The following EPM2A variants were observed in gnomAD, a reference collection of about 807,000 sequenced individuals.
The protein encoded by EPM2A is laforin.
In EPM2A, 21 loss-of-function variants were observed where a neutral mutation model predicts 26.5. That is an observed-to-expected ratio of 0.79 (90% CI 0.56 to 1.14). The LOEUF (loss-of-function observed/expected upper bound fraction) is 1.14. Among genes scored for constraint, EPM2A ranks in the 50% most tolerant of loss-of-function variants. EPM2A has a pLI of 0.00. For missense variants in EPM2A, 458 were observed against 440.8 expected, an observed-to-expected ratio of 1.04 and a Z score of -0.35; for synonymous variants, 217 against 177.6, an observed-to-expected ratio of 1.22 and a Z score of -1.76.
chr6:145,612,226 T>C (rs1449733950), intron 2 of EPM2A, among the ~76,000 whole-genome samples: 1 of 152,228 alleles, frequency 6.6e-6, no homozygotes, highest in Non-Finnish European at 1.5e-5. Flanking sequence ...TATTTATTTA[T>C]ATCTCTGTTT....
chr6:145,616,407 G>A (rs556593893), intron 2 of EPM2A, among the ~76,000 whole-genome samples: 65 of 152,372 alleles, frequency 4.3e-4, no homozygotes, highest in Admixed American at 1.7e-3. Flanking sequence ...AGGTAGAGGT[G>A]TGCTGCAGGG....
intron 4 of EPM2A, among the ~76,000 whole-genome samples, chr6:145,424,182 C>G (rs1457312547): frequency 2.0e-5 from 3 of 152,196 alleles, no homozygotes; most frequent in Admixed American, 6.5e-5. Context: ...TACAAAAATC[C>G]TGGCACCCTT....
At chr6:145,466,124 C>CA (rs1302159761) in intron 4 of EPM2A, among the ~76,000 whole-genome samples, 2 of 150,590 alleles carry the variant, frequency 1.3e-5, no homozygotes, top group South Asian at 2.1e-4. Context: ...CAACAAAAGC[C>CA]AAAATTGACA....
intron 1 of EPM2A, among the ~76,000 whole-genome samples, chr6:145,715,481 C>T (rs1775565670): frequency 6.6e-6 from 1 of 152,164 alleles, no homozygotes; most frequent in Admixed American, 6.5e-5. Context: ...AATGAAACAA[C>T]ATCGAATGAA....
At chr6:145,579,640 T>C (rs1717383834) in intron 2 of EPM2A, among the ~76,000 whole-genome samples, 1 of 152,226 alleles carries the variant, frequency 6.6e-6, no homozygotes, top group Non-Finnish European at 1.5e-5. Flanking sequence ...GGTTTGACAA[T>C]ATATGCCTTT....
At chr6:145,568,068 TA>T (rs1780907002) in intron 2 of EPM2A, among the ~76,000 whole-genome samples, 1 of 152,176 alleles carries the variant, frequency 6.6e-6, no homozygotes, top group African/African-American at 2.4e-5. Flanking sequence ...GCCACATAAT[TA>T]ATGTCATTTA....
intron 2 of EPM2A, among the ~76,000 whole-genome samples, chr6:145,569,567 C>T (rs1007302823): frequency 3.3e-5 from 5 of 152,208 alleles, no homozygotes; most frequent in African/African-American, 1.2e-4. Context: ...AAAGCGATCT[C>T]ATTTGTCCCC....
chr6:145,646,826 TCCTCTTTGCTCC>T (rs1777508481), intron 2 of EPM2A, among the ~76,000 whole-genome samples: 2 of 151,998 alleles, frequency 1.3e-5, no homozygotes, highest in African/African-American at 4.8e-5. Context: ...CATTCTCTCC[TCCTCTTTGCTCC>T]CCACCTACAA....
intron 4 of EPM2A, among the ~76,000 whole-genome samples, chr6:145,434,904 C>T (rs1445865482): frequency 5.9e-5 from 9 of 151,918 alleles, no homozygotes; most frequent in African/African-American, 1.9e-4. Flanking sequence ...GGGGCAGATC[C>T]CTCATGGCTT....
intron 4 of EPM2A, among the ~76,000 whole-genome samples, chr6:145,474,102 TACA>T (rs556923235): frequency 1.6e-4 from 24 of 152,198 alleles, no homozygotes; most frequent in Non-Finnish European, 2.2e-4. Context: ...AAATCATAAG[TACA>T]ACAATTTTTC....
chr6:145,572,631 C>T (rs527696840), intron 2 of EPM2A, among the ~76,000 whole-genome samples: 85 of 152,266 alleles, frequency 5.6e-4, no homozygotes, highest in Middle Eastern at 3.4e-3. Flanking sequence ...CTGCAGAAAA[C>T]GGCAGGGCTT....
chr6:145,459,590 A>G (rs1440773724), intron 4 of EPM2A, among the ~76,000 whole-genome samples: 1 of 152,194 alleles, frequency 6.6e-6, no homozygotes, highest in East Asian at 1.9e-4. Context: ...ATAATTTGAT[A>G]ATAATGTCCC....
At chr6:145,582,733 A>T (rs1480483926) in intron 2 of EPM2A, among the ~76,000 whole-genome samples, 1 of 152,196 alleles carries the variant, frequency 6.6e-6, no homozygotes, top group Non-Finnish European at 1.5e-5. Flanking sequence ...TGTGGATGAC[A>T]TCTTTTAATA....
chr6:145,637,953 A>T (rs1039558573), intron 2 of EPM2A: 6 of 152,220 alleles, frequency 3.9e-5, no homozygotes. Flanking sequence ...GGTTCAACTG[A>T]GCACACTAAA....
At chr6:145,630,969 G>A (rs1020793399) in intron 3 of EPM2A, 1 of 152,078 alleles carries the variant, frequency 6.6e-6, no homozygotes, top group African/African-American at 2.4e-5. Flanking sequence ...CTGTACTGTG[G>A]TCCTTCCCTA....
chr6:145,459,148 C>T (rs1307500537), intron 4 of EPM2A, among the ~76,000 whole-genome samples: 1 of 152,076 alleles, frequency 6.6e-6, no homozygotes, highest in Non-Finnish European at 1.5e-5. Flanking sequence ...ACTCTGAATA[C>T]AGTATGGACA....
At chr6:145,718,788 A>T (rs1377985206) in intron 1 of EPM2A, among the ~76,000 whole-genome samples, 6 of 152,124 alleles carry the variant, frequency 3.9e-5, no homozygotes, top group Admixed American at 3.9e-4. Flanking sequence ...AAAACGAACA[A>T]CCCCATCAAA....
chr6:145,457,830 T>G (rs1323879565), intron 4 of EPM2A, among the ~76,000 whole-genome samples: 1 of 152,232 alleles, frequency 6.6e-6, no homozygotes, highest in Admixed American at 6.5e-5. Context: ...CCTTTGTATT[T>G]GTAATATGTG....
intron 2 of EPM2A, among the ~76,000 whole-genome samples, chr6:145,532,214 G>GA (rs1435645423): frequency 6.6e-6 from 1 of 152,154 alleles, no homozygotes; most frequent in South Asian, 2.1e-4. Context: ...ACCCACTGCA[G>GA]AAAAAACAGA....
Sources: allele counts gnomAD v4.1 joint callset (sites outside exome capture counted in the v4.1 genomes callset), GRCh38; gene constraint gnomAD v4.1.1; transcripts MANE v1.5; gene names NCBI Gene and HGNC (gene_info 2026-07-23, HGNC 2026-07-21).